Variants in EXOC4 observed in about 807,000 individuals in gnomAD.
EXOC4 encodes exocyst complex component 4, also known as SEC8-like 1.
A neutral mutation model predicts 107.2 loss-of-function variants in EXOC4; 71 were observed. That is an observed-to-expected ratio of 0.66 (90% CI 0.55 to 0.81). The LOEUF (loss-of-function observed/expected upper bound fraction) is 0.81, where lower values mean the gene tolerates loss of function less well. Ranked by LOEUF, EXOC4 falls within the 30% of genes least tolerant of loss-of-function variation. The pLI, the probability that EXOC4 is intolerant of heterozygous loss-of-function variation, is 0.00. For synonymous variants in EXOC4, 456 were observed against 441.2 expected (o/e 1.03, Z -0.42); for missense variants, 1,108 against 1,189.6 (o/e 0.93, Z 1.01).
the EXOC4 span, among the ~76,000 whole-genome samples, chr7:134,099,130 T>A: frequency 6.6e-6 from 1 of 152,100 alleles, no homozygotes; most frequent in Non-Finnish European, 1.5e-5. Flanking sequence ...TTAGGGTTAT[T>A]GTAGATGTAA....
rs138307628 is a variant in EXOC4, at chr7:133,759,799, G to A, written c.1515-57526G>A. On this transcript the variant is annotated intron_variant, in intron 10 of 17. Coordinates refer to ENST00000253861, the MANE Select transcript of EXOC4 (RefSeq NM_021807.4). ...AGGTTATCAGTCCTTGGATGTTGGGGGCGTGGGGGTGGTCAGAGTTTAGGA... is the reference window on the plus strand; with the variant it reads ...AGGTTATCAGTCCTTGGATGTTGGGAGCGTGGGGGTGGTCAGAGTTTAGGA... Among the ~76,000 whole-genome samples, 114 of 152,258 alleles carry A rather than the reference G, an allele frequency of 7.5e-4. No individual in the cohort carries two copies. In the East Asian group the frequency reaches 0.021, roughly 28 times the overall value.
At chr7:133,274,901 C>T (rs1793952421) in intron 1 of EXOC4, 81 bp from the exon 2 acceptor site, 1 of 1,147,144 alleles carries the variant, frequency 8.7e-7, no homozygotes, top group Non-Finnish European at 1.2e-6. Flanking sequence ...CTTCCTTTTG[C>T]ATTTTACTTT....
intron 7 of EXOC4, among the ~76,000 whole-genome samples, chr7:133,443,736 A>T (rs1008236229): frequency 2.0e-5 from 3 of 151,982 alleles, no homozygotes; most frequent in Non-Finnish European, 4.4e-5. Flanking sequence ...GTATCTAAGG[A>T]CCCCAGAGCT....
At chr7:133,839,762 C>G (rs1304028950) in intron 11 of EXOC4, among the ~76,000 whole-genome samples, 2 of 152,152 alleles carry the variant, frequency 1.3e-5, no homozygotes, top group South Asian at 4.1e-4. Flanking sequence ...TTCATTACTG[C>G]AGATCACATG....
At chr7:133,512,156 A>T (rs1799781698) in intron 9 of EXOC4, among the ~76,000 whole-genome samples, 1 of 152,206 alleles carries the variant, frequency 6.6e-6, no homozygotes, top group Non-Finnish European at 1.5e-5. Flanking sequence ...ATGCCCTGGC[A>T]TGGTGGCTCA....
intron 9 of EXOC4, among the ~76,000 whole-genome samples, chr7:133,617,447 C>A (rs1473151774): frequency 6.6e-6 from 1 of 152,120 alleles, no homozygotes; most frequent in Non-Finnish European, 1.5e-5. Flanking sequence ...TGTTAAATTG[C>A]TTTTATGAAA....
intron 12 of EXOC4, among the ~76,000 whole-genome samples, chr7:133,907,871 G>A (rs1020377760): frequency 6.6e-5 from 10 of 151,766 alleles, no homozygotes; most frequent in African/African-American, 2.4e-4. Context: ...GGGGAAGGAG[G>A]GAGGGAGGGA....
intron 9 of EXOC4, among the ~76,000 whole-genome samples, chr7:133,609,870 A>C (rs1563125942): frequency 6.6e-6 from 1 of 152,228 alleles, no homozygotes; most frequent in East Asian, 1.9e-4. Flanking sequence ...CAAATGCTAC[A>C]ACAGGACTCT....
At chr7:133,517,470 C>T (rs573960965) in intron 9 of EXOC4, among the ~76,000 whole-genome samples, 1 of 152,288 alleles carries the variant, frequency 6.6e-6, no homozygotes, top group African/African-American at 2.4e-5. Flanking sequence ...TAAAGGCATA[C>T]CTGTGACTGG....
At chr7:133,853,795 C>A (rs1798291095) in intron 11 of EXOC4, among the ~76,000 whole-genome samples, 1 of 152,134 alleles carries the variant, frequency 6.6e-6, no homozygotes, top group African/African-American at 2.4e-5. Flanking sequence ...ATTCTAGAGA[C>A]ATTTCCCCCC....
intron 1 of EXOC4, among the ~76,000 whole-genome samples, chr7:133,273,170 TC>T (rs1345291572): frequency 2.0e-5 from 3 of 152,210 alleles, no homozygotes; most frequent in African/African-American, 7.2e-5. Context: ...CTGGAAGTTT[TC>T]AGATTTAAAG....
intron 17 of EXOC4, among the ~76,000 whole-genome samples, chr7:134,017,384 G>A (rs1004934022): frequency 6.6e-5 from 10 of 152,136 alleles, no homozygotes; most frequent in African/African-American, 2.4e-4. Flanking sequence ...TGGGAAATGC[G>A]ATGGTTTACA....
At chr7:133,619,159 A>T (rs1802266878) in intron 9 of EXOC4, among the ~76,000 whole-genome samples, 1 of 152,180 alleles carries the variant, frequency 6.6e-6, no homozygotes, top group African/African-American at 2.4e-5. Context: ...TTCTGTTTAG[A>T]TGCCAGCTCT....
intron 9 of EXOC4, among the ~76,000 whole-genome samples, chr7:133,599,213 G>A (rs755303594): frequency 2.6e-5 from 4 of 152,038 alleles, no homozygotes; most frequent in Non-Finnish European, 5.9e-5. Context: ...TGTGACCCAC[G>A]TTATAGTTCC....
rs150979896 is a variant in EXOC4 at position 133,561,547 on chromosome 7, T to C, written c.1418-68498T>C. Among the ~76,000 whole-genome samples the C allele has an allele frequency of 2.6e-5, 4 of 152,330 alleles. No individual in the cohort carries two copies. The East Asian group carries it at 7.7e-4, about 29-fold the overall frequency. The stretch of plus-strand genomic sequence containing the variant: ...ATGCTATTTCTTGATTGCCTAAGAC[T>C]GAATTGCCTTGGGCATTCCTCACTG... On this transcript the variant is annotated intron_variant, in intron 9 of 17. Coordinates refer to ENST00000253861, the MANE Select transcript of EXOC4 (RefSeq NM_021807.4).
chr7:133,718,615 CCACT>C (rs1490342975), intron 10 of EXOC4, among the ~76,000 whole-genome samples: 1 of 152,112 alleles, frequency 6.6e-6, no homozygotes, highest in Admixed American at 6.6e-5. Flanking sequence ...CCCTGCTTCC[CCACT>C]CACTGGCTAT....
intron 10 of EXOC4, among the ~76,000 whole-genome samples, chr7:133,635,792 A>G (rs1435927928): frequency 6.6e-6 from 1 of 152,168 alleles, no homozygotes; most frequent in Non-Finnish European, 1.5e-5. Context: ...GAGTCCTCAC[A>G]TGGCCTCTTC....
At chr7:133,412,241 T>C (rs1370052319) in intron 7 of EXOC4, among the ~76,000 whole-genome samples, 1 of 151,152 alleles carries the variant, frequency 6.6e-6, no homozygotes, top group East Asian at 2.0e-4. Flanking sequence ...TTGTACAGAA[T>C]TTCTGATTTG....
intron 9 of EXOC4, among the ~76,000 whole-genome samples, chr7:133,577,208 T>G (rs1801152522): frequency 6.6e-6 from 1 of 152,160 alleles, no homozygotes; most frequent in Non-Finnish European, 1.5e-5. Context: ...TCTTTAAACA[T>G]TCACTCTATT....
Sources: gnomAD v4.1 joint callset for allele counts (sites outside exome capture counted in the v4.1 genomes callset) on GRCh38, gnomAD v4.1.1 for gene constraint, MANE v1.5 for transcripts, NCBI Gene and HGNC (gene_info 2026-07-23, HGNC 2026-07-21) for gene names.